Variants in BSPH1 observed in about 807,000 individuals in gnomAD.
BSPH1 encodes the protein binder of sperm 1.
BSPH1 carries 21 observed loss-of-function variants against 22.5 expected under a neutral mutation model. The ratio of observed to expected loss-of-function variants is 0.93; its 90% CI spans 0.66 to 1.35. BSPH1 has a LOEUF of 1.35. BSPH1 is among the 40% of genes most tolerant of loss of function. The pLI is 0.00. For missense variants in BSPH1, 141 were observed against 154.2 expected, an observed-to-expected ratio of 0.91 and a Z score of 0.45; for synonymous variants, 42 against 53.6, an observed-to-expected ratio of 0.78 and a Z score of 0.95.
intron 5 of BSPH1, 82 bp downstream of exon 5, chr19:47,976,628 T>G: frequency 1.0e-6 from 1 of 1,003,166 alleles, no homozygotes; most frequent in South Asian, 1.6e-5. Flanking sequence ...GAGAAAGGGT[T>G]CTCCTCTGCC....
intron 1 of BSPH1, among the ~76,000 whole-genome samples, chr19:47,988,059 AAAG>A (rs1169767192): frequency 6.6e-6 from 1 of 152,178 alleles, no homozygotes; most frequent in African/African-American, 2.4e-5. Flanking sequence ...AAAATTAAAA[AAAG>A]AGAAAATCCT....
At chr19:47,978,975 G>A (rs769355782) in intron 3 of BSPH1, among the ~76,000 whole-genome samples, 24 of 152,192 alleles carry the variant, frequency 1.6e-4, no homozygotes, top group Middle Eastern at 6.8e-3. Context: ...TTAAAACCAT[G>A]GATTATTCTA....
intron 2 of BSPH1, among the ~76,000 whole-genome samples, chr19:47,979,965 A>C (rs1207233705): frequency 1.3e-5 from 2 of 152,134 alleles, no homozygotes; most frequent in Non-Finnish European, 2.9e-5. Context: ...GCATCCAGCC[A>C]CATAGCCATA....
chr19:47,977,472 T>A lies in BSPH1; in HGVS notation c.157A>T (p.Asn53Tyr), dbSNP rs1417260448. The A allele has an allele frequency of 2.6e-6, 4 of 1,551,754 alleles. No homozygotes were observed. Reference protein sequence around the residue: ...GECVFPFHYKNGTYYDCIKSK... With the variant: ...GECVFPFHYKYGTYYDCIKSK... ...TTGATGCAGTCATAATATGTTCCAT[T>A]TTTATAGTGGAATGGAAAGACACAC... Residue 53 changes from asparagine to tyrosine, a missense_variant, in exon 4 of 6, where the codon AAT (asparagine) becomes TAT (tyrosine). Asn to Tyr is a moderately radical substitution (Grantham distance 143, BLOSUM62 -2). Transcript: ENST00000344839.
Position 47,980,705 on chromosome 19 carries a change from C to T in BSPH1, c.94+216G>A, listed in dbSNP as rs191875878. 9.2e-3 allele frequency among the ~76,000 whole-genome samples: 1,405 copies of T among 151,936 alleles called. 18 individuals are homozygous for T. Among genetic ancestry groups the T allele is most frequent in the African/African-American group, 0.032 (1,307 of 41,474 alleles). On this transcript the variant is annotated intron_variant, in intron 2 of 5. Coordinates refer to ENST00000344839, the MANE Select transcript of BSPH1 (RefSeq NM_001128326.2). ...CAGGATGGTCTCGATCTCCTGACCT[C>T]GTGATCCCCCTGCCTCGGCCTCCCA...
In BSPH1 at chr19:47,992,058, G is replaced by A. The variant is rs548885170; in HGVS notation, c.24C>T (p.Phe8=). The change falls in exon 1 of 6, where the codon TTC becomes TTT. Residue 8 remains phenylalanine (F), a synonymous_variant. Transcript: ENST00000344839. ...CTGAGGAATTTCGCGTCGTTTCCACGAAGAGAAGCATCAGGGAGCCCATGG... is the reference window on the plus strand; with the variant it reads ...CTGAGGAATTTCGCGTCGTTTCCACAAAGAGAAGCATCAGGGAGCCCATGG... MGSLMLL[F]VETTRNSSAC... 5.5e-5 allele frequency: 86 copies of A among 1,551,266 alleles called. No individual in the cohort carries two copies. The highest frequency in any genetic ancestry group is 7.2e-5 in the Non-Finnish European group (82 of 1,146,658).
chr19:47,970,683 C>T (rs1026114031), intron 5 of BSPH1, among the ~76,000 whole-genome samples: 1 of 152,146 alleles, frequency 6.6e-6, no homozygotes, highest in African/African-American at 2.4e-5. Context: ...ACCAAATACC[C>T]TTCTCCTCTT....
intron 5 of BSPH1, among the ~76,000 whole-genome samples, chr19:47,969,584 G>A (rs1969290070): frequency 6.6e-6 from 1 of 151,578 alleles, no homozygotes; most frequent in Non-Finnish European, 1.5e-5. Flanking sequence ...TATTATAAAT[G>A]GTGAAAGGGT....
intron 5 of BSPH1, among the ~76,000 whole-genome samples, chr19:47,971,832 G>A (rs563808230): frequency 1.3e-5 from 2 of 152,202 alleles, no homozygotes; most frequent in East Asian, 1.9e-4. Flanking sequence ...CTAAGAACAC[G>A]CGTCTTGTTT....
intron 1 of BSPH1, among the ~76,000 whole-genome samples, chr19:47,991,292 G>A (rs1311050849): frequency 1.3e-5 from 2 of 151,980 alleles, no homozygotes; most frequent in African/African-American, 2.4e-5. Context: ...ACTCGTGGTC[G>A]ACCAGCTGAT....
At chr19:47,984,473 T>A (rs544064878) in intron 1 of BSPH1, among the ~76,000 whole-genome samples, 34 of 152,050 alleles carry the variant, frequency 2.2e-4, no homozygotes, top group African/African-American at 4.3e-4. Context: ...TAAATTCTGT[T>A]ATAATATATA....
In BSPH1 at chr19:47,992,101, G is replaced by T; in HGVS notation, c.-20C>A. 1 of 1,546,186 alleles carries T rather than the reference G, an allele frequency of 6.5e-7. No individual in the cohort carries two copies. The highest frequency in any genetic ancestry group is 8.8e-7 in the Non-Finnish European group (1 of 1,142,282). ...GCCCATGGGCAGTCACAGGCTTCCCGGTATCTCAGATCTTCCTGGTCTTTG... is the reference window on the plus strand; with the variant it reads ...GCCCATGGGCAGTCACAGGCTTCCCTGTATCTCAGATCTTCCTGGTCTTTG... On this transcript the variant is annotated 5_prime_UTR_variant, in exon 1 of 6. Transcript: ENST00000344839.
At chr19:47,974,863 C>A (rs1461680111) in intron 5 of BSPH1, among the ~76,000 whole-genome samples, 2 of 152,136 alleles carry the variant, frequency 1.3e-5, no homozygotes, top group East Asian at 1.9e-4. Flanking sequence ...CGTCTTCCAA[C>A]ATTTCTCTGG....
intron 1 of BSPH1, among the ~76,000 whole-genome samples, chr19:47,982,724 G>A (rs1178565186): frequency 6.6e-6 from 1 of 152,122 alleles, no homozygotes; most frequent in Non-Finnish European, 1.5e-5. Flanking sequence ...GAGCAAATGA[G>A]TAAATAAAGA....
In BSPH1 at chr19:47,976,754, G is replaced by C. The variant is rs576630777; in HGVS notation, c.357C>G (p.Thr119=). Reference sequence around the variant, plus strand: ...AAATTCGGTCCTTGTTAAAATTCTTGGTCAGTGAACACCATTTTTTCCCAA... The same window carrying C: ...AAATTCGGTCCTTGTTAAAATTCTTCGTCAGTGAACACCATTTTTTCCCAA... ...EAFGKKWCSL[T]KNFNKDRIWK... The change falls in exon 5 of 6, where the codon ACC becomes ACG. Residue 119 remains threonine (T), a synonymous_variant. Transcript: ENST00000344839. 6.4e-6 allele frequency: 10 copies of C among 1,551,502 alleles called. No individual in the cohort carries two copies. In the South Asian group the frequency reaches 1.2e-4, roughly 18 times the overall value.
chr19:47,968,346 G>GTC (rs1969277152), intron 5 of BSPH1, 137 bp from the exon 6 acceptor site: 1 of 146,822 alleles, frequency 6.8e-6, no homozygotes, highest in Non-Finnish European at 1.5e-5. Flanking sequence ...TATAAAATCA[G>GTC]TCTCTCTCTC....
intron 1 of BSPH1, among the ~76,000 whole-genome samples, chr19:47,990,840 T>C (rs1216956719): frequency 6.6e-6 from 1 of 152,228 alleles, no homozygotes; most frequent in East Asian, 1.9e-4. Context: ...ATCGACTTTA[T>C]GAAAATTAGT....
intron 2 of BSPH1, 62 bp from the exon 3 acceptor site, chr19:47,979,661 T>C: frequency 1.5e-6 from 1 of 661,330 alleles, no homozygotes; most frequent in Non-Finnish European, 2.5e-6. Context: ...AAATGGGCTC[T>C]TACGTAAAAT....
chr19:47,983,840 A>AT (rs1568398378), intron 1 of BSPH1, among the ~76,000 whole-genome samples: 4 of 80,254 alleles, frequency 5.0e-5, no homozygotes, highest in East Asian at 2.8e-4. Context: ...TTTGAAGAGA[A>AT]ATTTTTTTTT....
Sources: allele counts gnomAD v4.1 joint callset (sites outside exome capture counted in the v4.1 genomes callset), GRCh38; gene constraint gnomAD v4.1.1; transcripts MANE v1.5; gene names NCBI Gene and HGNC (gene_info 2026-07-23, HGNC 2026-07-21).